Variants in RASSF8 observed in about 807,000 individuals in gnomAD.
RASSF8 encodes Ras association domain family member 8, also known as ras association domain-containing protein 8.
Under a neutral mutation model 48.5 loss-of-function variants are expected in RASSF8, and 22 were observed. The observed-to-expected ratio is 0.45, with a 90% CI of 0.32 to 0.65. The LOEUF is 0.65. RASSF8 is among the 30% of genes least tolerant of loss of function. The probability of loss-of-function intolerance (pLI) is 0.03; values close to 1 mark genes in which losing one functional copy is unlikely to be tolerated. For synonymous variants in RASSF8, 127 were observed against 171.5 expected, an observed-to-expected ratio of 0.74 and a Z score of 2.03; for missense variants, 418 against 489.2, an observed-to-expected ratio of 0.85 and a Z score of 1.37.
intron 3 of RASSF8, among the ~76,000 whole-genome samples, chr12:26,057,997 C>G (rs565809095): frequency 6.6e-6 from 1 of 152,304 alleles, no homozygotes; most frequent in African/African-American, 2.4e-5. Context: ...ACTTTTTACA[C>G]AGAATTTCAA....
At chr12:26,020,201 A>C (rs1454711386) in intron 2 of RASSF8, 1 of 152,238 alleles carries the variant, frequency 6.6e-6, no homozygotes, top group African/African-American at 2.4e-5. Context: ...GGCATAGATT[A>C]GAGTGACGTG....
chr12:26,028,598 G>A (rs1287304789), intron 2 of RASSF8, among the ~76,000 whole-genome samples: 7 of 152,144 alleles, frequency 4.6e-5, no homozygotes, highest in African/African-American at 1.2e-4. Flanking sequence ...TTGCAGCTAC[G>A]GTAAGTGACA....
intron 2 of RASSF8, among the ~76,000 whole-genome samples, chr12:25,998,184 G>A (rs992636263): frequency 1.6e-4 from 24 of 152,170 alleles, no homozygotes; most frequent in Middle Eastern, 3.4e-3. Flanking sequence ...TTTATTTGAT[G>A]GCATTTTGTA....
At chr12:26,032,623 T>C (rs1263151452) in intron 2 of RASSF8, among the ~76,000 whole-genome samples, 2 of 152,202 alleles carry the variant, frequency 1.3e-5, no homozygotes, top group African/African-American at 4.8e-5. Flanking sequence ...ACCTGCAATT[T>C]ATAGCTTAAG....
intron 2 of RASSF8, among the ~76,000 whole-genome samples, chr12:26,051,517 AAC>A (rs1943489595): frequency 6.6e-6 from 1 of 152,190 alleles, no homozygotes; most frequent in Non-Finnish European, 1.5e-5. Context: ...ATTAAATATA[AAC>A]ATTTATATTT....
chr12:26,078,985 C>A, intron 5 of RASSF8: 3 of 1,506,362 alleles, frequency 2.0e-6, no homozygotes, highest in East Asian at 2.5e-5. Flanking sequence ...ACAAATTCAC[C>A]AACCTTAACT....
chr12:26,008,253 A>C (rs1450869234), intron 2 of RASSF8, among the ~76,000 whole-genome samples: 4 of 152,094 alleles, frequency 2.6e-5, no homozygotes, highest in Non-Finnish European at 5.9e-5. Flanking sequence ...CCTGGGCAAC[A>C]CAGCGAGACT....
At chr12:25,965,989 T>A (rs1180921843) in intron 1 of RASSF8, among the ~76,000 whole-genome samples, 1 of 152,230 alleles carries the variant, frequency 6.6e-6, no homozygotes, top group East Asian at 1.9e-4. Context: ...AAAGCTGTTA[T>A]GAATACTTGC....
chr12:26,011,363 G>A (rs1451804016), intron 2 of RASSF8, among the ~76,000 whole-genome samples: 1 of 152,118 alleles, frequency 6.6e-6, no homozygotes, highest in African/African-American at 2.4e-5. Flanking sequence ...AAAAAGATTA[G>A]CCAGATGCTT....
At chr12:26,048,778 A>G (rs778589704) in intron 2 of RASSF8, among the ~76,000 whole-genome samples, 6 of 150,360 alleles carry the variant, frequency 4.0e-5, no homozygotes, top group Admixed American at 1.3e-4. Flanking sequence ...TTTCAGACGG[A>G]GTTTCACTCT....
intron 2 of RASSF8, among the ~76,000 whole-genome samples, chr12:25,996,255 A>T (rs73077152): frequency 0.12 from 18,824 of 152,274 alleles, 1,553 homozygotes; most frequent in Admixed American, 0.19. Flanking sequence ...TGCCATTTGT[A>T]ATATGGCCTA....
intron 1 of RASSF8, among the ~76,000 whole-genome samples, chr12:25,981,159 G>C (rs1941733560): frequency 6.6e-6 from 1 of 152,034 alleles, no homozygotes; most frequent in African/African-American, 2.4e-5. Context: ...GAACCCCTTT[G>C]ACTCCACCAG....
chr12:26,043,248 C>T (rs1389154898), intron 2 of RASSF8, among the ~76,000 whole-genome samples: 5 of 152,088 alleles, frequency 3.3e-5, no homozygotes, highest in African/African-American at 1.2e-4. Flanking sequence ...GAAGGATGTG[C>T]AAAAATTAGC....
intron 4 of RASSF8, 124 bp downstream of exon 4, chr12:26,065,511 A>G: frequency 7.8e-7 from 1 of 1,280,418 alleles, no homozygotes; most frequent in East Asian, 2.4e-5. Flanking sequence ...CTTGTTTAAA[A>G]CTTTTGTCGA....
chr12:26,048,815 G>A (rs932480738), intron 2 of RASSF8, among the ~76,000 whole-genome samples: 7 of 151,954 alleles, frequency 4.6e-5, no homozygotes, highest in African/African-American at 1.7e-4. Flanking sequence ...GTGCAATGGT[G>A]CATTCTTGGC....
chr12:26,022,198 AAG>A (rs1490025877), intron 2 of RASSF8, among the ~76,000 whole-genome samples: 5 of 152,290 alleles, frequency 3.3e-5, no homozygotes, highest in African/African-American at 1.2e-4. Flanking sequence ...GATGAGGCAA[AAG>A]AGAGATAAGG....
downstream of RASSF8, among the ~76,000 whole-genome samples, chr12:26,073,776 CAT>C (rs1555171943): frequency 3.5e-3 from 399 of 115,242 alleles, 3 homozygotes; most frequent in Admixed American, 4.6e-3. Context: ...CACACACACA[CAT>C]ATATATATAC....
intron 1 of RASSF8, among the ~76,000 whole-genome samples, chr12:25,970,908 C>T (rs706530): frequency 0.018 from 2,782 of 152,308 alleles, 100 homozygotes; most frequent in African/African-American, 0.064. Flanking sequence ...GAACACTTGA[C>T]GGTATTAAAA....
intron 1 of RASSF8, among the ~76,000 whole-genome samples, chr12:25,981,975 C>G (rs1941755542): frequency 6.6e-6 from 1 of 152,146 alleles, no homozygotes. Flanking sequence ...TCAAATGATA[C>G]TGAAGTAGAG....
Sources: allele counts gnomAD v4.1 joint callset (sites outside exome capture counted in the v4.1 genomes callset), GRCh38; gene constraint gnomAD v4.1.1; transcripts MANE v1.5; gene names NCBI Gene and HGNC (gene_info 2026-07-23, HGNC 2026-07-21).